The following MTHFD1 variants were observed in gnomAD, a reference collection of about 807,000 sequenced individuals.
MTHFD1 encodes C-1-tetrahydrofolate synthase, cytoplasmic.
Under a neutral mutation model 110.3 loss-of-function variants are expected in MTHFD1, and 44 were observed. That is an observed-to-expected ratio of 0.40 (90% CI 0.31 to 0.51). MTHFD1 has a LOEUF of 0.51. Among genes scored for constraint, MTHFD1 ranks in the 20% least tolerant of loss-of-function variants. The pLI is 0.60. For missense variants in MTHFD1, 909 were observed against 1,173.1 expected (o/e 0.77, Z 3.29); for synonymous variants, 402 against 428.8 (o/e 0.94, Z 0.77).
intron 21 of MTHFD1, 105 bp downstream of exon 21, chr14:64,442,507 G>C: frequency 8.0e-7 from 1 of 1,243,708 alleles, no homozygotes; most frequent in East Asian, 2.3e-5. Context: ...TTATCCTCGT[G>C]ATTAACAGGC....
chr14:64,408,327 C>T (rs1297923390), intron 2 of MTHFD1, among the ~76,000 whole-genome samples: 2 of 131,904 alleles, frequency 1.5e-5, no homozygotes, highest in Non-Finnish European at 3.1e-5. Context: ...TCACTCTTGT[C>T]GCCCAGGCTG....
intron 27 of MTHFD1, 91 bp from the exon 28 acceptor site, chr14:64,459,668 A>G (rs974977391): frequency 1.8e-6 from 2 of 1,111,212 alleles, no homozygotes; most frequent in South Asian, 1.6e-5. Context: ...AGCTTTGGCA[A>G]TGTGAGTGGG....
At chr14:64,421,301 C>A (rs1178307198) in intron 8 of MTHFD1, among the ~76,000 whole-genome samples, 2 of 152,210 alleles carry the variant, frequency 1.3e-5, no homozygotes, top group Admixed American at 6.5e-5. Flanking sequence ...CAGCTTCCTG[C>A]CATCTGACCA....
At chr14:64,442,460 T>G in intron 21 of MTHFD1, 58 bp downstream of exon 21, 1 of 1,565,070 alleles carries the variant, frequency 6.4e-7, no homozygotes, top group South Asian at 1.1e-5. Context: ...CAAAAGGAAG[T>G]TGGATGACTT....
At chr14:64,394,988 T>G (rs995553008) in intron 1 of MTHFD1, among the ~76,000 whole-genome samples, 1 of 152,176 alleles carries the variant, frequency 6.6e-6, no homozygotes, top group Non-Finnish European at 1.5e-5. Context: ...AGCGGCCAGA[T>G]CTATGGTTAG....
At chr14:64,445,090 G>T in intron 22 of MTHFD1, 1 of 364,540 alleles carries the variant, frequency 2.7e-6, no homozygotes, top group South Asian at 2.2e-5. Flanking sequence ...AACTGGGGAT[G>T]CTGGCTAAAC....
chr14:64,422,482 G>T (rs565538341), intron 8 of MTHFD1, among the ~76,000 whole-genome samples: 1 of 152,164 alleles, frequency 6.6e-6, no homozygotes, highest in Admixed American at 6.5e-5. Flanking sequence ...CAAGTGCAGG[G>T]CAGAAAGTAT....
In MTHFD1 at chr14:64,459,795, T is replaced by C; in HGVS notation, c.*41T>C. The C allele has an allele frequency of 1.3e-6, 2 of 1,535,786 alleles. No individual in the cohort carries two copies. Among genetic ancestry groups the C allele is most frequent in the Non-Finnish European group, 1.7e-6 (2 of 1,146,750 alleles). On this transcript the variant is annotated 3_prime_UTR_variant, in exon 28 of 28. Coordinates refer to ENST00000652337, the MANE Select transcript of MTHFD1 (RefSeq NM_005956.4). ...TCTTCAAGAAGCTACTTTGAAAGTCTGGCCAGTGTCTATTCAGGCCCACTG... is the reference window on the plus strand; with the variant it reads ...TCTTCAAGAAGCTACTTTGAAAGTCCGGCCAGTGTCTATTCAGGCCCACTG...
intron 9 of MTHFD1, among the ~76,000 whole-genome samples, chr14:64,425,295 C>G (rs2078110274): frequency 6.6e-6 from 1 of 151,342 alleles, no homozygotes; most frequent in Non-Finnish European, 1.5e-5. Flanking sequence ...TTACCGCAAC[C>G]TCCATCTCCC....
chr14:64,433,981 G>A (rs2078183442), intron 15 of MTHFD1, among the ~76,000 whole-genome samples: 1 of 151,966 alleles, frequency 6.6e-6, no homozygotes, highest in Non-Finnish European at 1.5e-5. Context: ...AGTGAGCTGA[G>A]GATGCCCCAC....
At chr14:64,412,447 C>T in intron 3 of MTHFD1, 25 bp from the exon 4 acceptor site, 2 of 1,591,192 alleles carry the variant, frequency 1.3e-6, no homozygotes, top group Non-Finnish European at 1.7e-6. Context: ...TTGCCATTTA[C>T]CTGCTTTTAA....
At chr14:64,421,155 C>A (rs2078066962) in intron 8 of MTHFD1, among the ~76,000 whole-genome samples, 1 of 152,130 alleles carries the variant, frequency 6.6e-6, no homozygotes, top group Admixed American at 6.6e-5. Flanking sequence ...AAGGGATGAT[C>A]TTTCCTTCTC....
At chr14:64,388,621 C>G in intron 1 of MTHFD1, 153 bp downstream of exon 1, 1 of 745,436 alleles carries the variant, frequency 1.3e-6, no homozygotes, top group African/African-American at 1.7e-5. Context: ...GAAAGAGAAC[C>G]CGGGCACAAC....
At position 64,424,868 on chromosome 14, in the gene MTHFD1, G is replaced by A. The variant is rs1370014244; in HGVS notation, c.792G>A (p.Arg264=). 2 of 1,614,026 alleles carry A rather than the reference G, an allele frequency of 1.2e-6. No homozygotes were observed. The highest frequency in any genetic ancestry group is 1.7e-6 in the Non-Finnish European group (2 of 1,180,048). Residue 264 remains arginine (R), a synonymous_variant, in exon 9 of 28, where the codon AGG becomes AGA. Coordinates refer to ENST00000652337, the MANE Select transcript of MTHFD1 (RefSeq NM_005956.4). ...GDVAYDEAKE[R]ASFITPVPGG... ...TGGCATACGACGAGGCCAAAGAGAG[G>A]GCGAGCTTCATCACTCCTGTTCCTG...
At chr14:64,429,976 A>G (rs1462198260) in intron 12 of MTHFD1, among the ~76,000 whole-genome samples, 2 of 152,204 alleles carry the variant, frequency 1.3e-5, no homozygotes, top group African/African-American at 4.8e-5. Flanking sequence ...GAGTAGGTAT[A>G]TATTTGTTCA....
chr14:64,391,205 C>T (rs2077801622), intron 1 of MTHFD1, among the ~76,000 whole-genome samples: 1 of 152,134 alleles, frequency 6.6e-6, no homozygotes, highest in African/African-American at 2.4e-5. Flanking sequence ...TGCTCTGTTG[C>T]TCAGGCTGGA....
At chr14:64,416,152 G>A (rs58076807) in intron 6 of MTHFD1, among the ~76,000 whole-genome samples, 2,648 of 152,186 alleles carry the variant, frequency 0.017, 75 homozygotes, top group African/African-American at 0.061. Flanking sequence ...GGCAGAGGTG[G>A]GAGGATTGAT....
intron 1 of MTHFD1, 43 bp from the exon 2 acceptor site, chr14:64,400,750 T>C (rs757499316): frequency 8.1e-7 from 1 of 1,238,640 alleles, no homozygotes; most frequent in East Asian, 2.3e-5. Flanking sequence ...TTATTTGTGC[T>C]TGAAACATTC....
chr14:64,455,041 C>A, intron 26 of MTHFD1, 166 bp downstream of exon 26: 1 of 704,814 alleles, frequency 1.4e-6, no homozygotes, highest in Non-Finnish European at 2.5e-6. Flanking sequence ...AAAGCAGGAG[C>A]TATATAGCTC....
Sources: gnomAD v4.1 joint callset for allele counts (sites outside exome capture counted in the v4.1 genomes callset) on GRCh38, gnomAD v4.1.1 for gene constraint, MANE v1.5 for transcripts, NCBI Gene and HGNC (gene_info 2026-07-23, HGNC 2026-07-21) for gene names.